The following IL1RAPL1 variants were observed in gnomAD, a reference collection of about 807,000 sequenced individuals.
IL1RAPL1 encodes interleukin-1 receptor accessory protein-like 1.
A neutral mutation model predicts 48.4 loss-of-function variants in IL1RAPL1; 3 were observed. The ratio of observed to expected loss-of-function variants is 0.06; its 90% CI spans 0.03 to 0.16. IL1RAPL1 has a LOEUF of 0.16. Among genes scored for constraint, IL1RAPL1 ranks in the 10% least tolerant of loss-of-function variants. The pLI, the probability that IL1RAPL1 is intolerant of heterozygous loss-of-function variation, is 1.00. For synonymous variants in IL1RAPL1, 185 were observed against 187.7 expected (o/e 0.99, Z 0.12); for missense variants, 349 against 530.6 (o/e 0.66, Z 3.36).
At chrX:29,928,577 G>A (rs2147244784) in intron 8 of IL1RAPL1, among the ~76,000 whole-genome samples, 1 of 112,254 alleles carries the variant, frequency 8.9e-6, no homozygotes, top group African/African-American at 3.2e-5. Flanking sequence ...CAACAAATAT[G>A]TATTGAGTGC....
chrX:29,907,424 C>T lies in IL1RAPL1; in HGVS notation c.779-10040C>T, dbSNP rs186537920. 7.9e-3 allele frequency among the ~76,000 whole-genome samples: 875 copies of T among 110,588 alleles called. 10 individuals carry two copies. The highest frequency in any genetic ancestry group is 0.027 in the African/African-American group (814 of 30,573). On this transcript the variant is annotated intron_variant, in intron 6 of 10. Transcript: ENST00000378993. ...CATATTTATAAAATATATACTTTCT[C>T]CTATATAGTATATTTATTTCATAGT...
intron 5 of IL1RAPL1, among the ~76,000 whole-genome samples, chrX:29,460,950 AAC>A (rs1373090699): frequency 8.9e-6 from 1 of 111,977 alleles, no homozygotes; most frequent in Non-Finnish European, 1.9e-5. Context: ...ATCAAAATTA[AAC>A]ACTTTTTTTT....
intron 2 of IL1RAPL1, among the ~76,000 whole-genome samples, chrX:29,023,943 C>T (rs1926426771): frequency 9.0e-6 from 1 of 111,456 alleles, no homozygotes; most frequent in African/African-American, 3.3e-5. Flanking sequence ...AAATCAGAAG[C>T]TTAACTGAGA....
At chrX:28,638,229 C>T (rs1021207742) in intron 1 of IL1RAPL1, among the ~76,000 whole-genome samples, 1 of 111,296 alleles carries the variant, frequency 9.0e-6, no homozygotes, top group Non-Finnish European at 1.9e-5. Flanking sequence ...AAATTATATG[C>T]CTAGTCCAGA....
intron 6 of IL1RAPL1, among the ~76,000 whole-genome samples, chrX:29,762,773 G>A (rs1928785707): frequency 9.0e-6 from 1 of 111,427 alleles, no homozygotes; most frequent in Admixed American, 9.6e-5. Flanking sequence ...GAGTGGCAGG[G>A]GTTTCACTTC....
intron 2 of IL1RAPL1, chrX:28,982,744 C>A (rs928173927): frequency 8.9e-6 from 1 of 111,868 alleles, no homozygotes; most frequent in Non-Finnish European, 1.9e-5. Flanking sequence ...ACCCGAGTAT[C>A]ATCAACCTTA....
chrX:28,813,690 C>T (rs764119826), intron 2 of IL1RAPL1, among the ~76,000 whole-genome samples: 33 of 110,598 alleles, frequency 3.0e-4, no homozygotes, highest in East Asian at 5.7e-4. Flanking sequence ...AGTTTTGGCC[C>T]GTGGAGCTTG....
chrX:29,124,528 C>A (rs1346314342), intron 2 of IL1RAPL1, among the ~76,000 whole-genome samples: 3 of 112,359 alleles, frequency 2.7e-5, no homozygotes, highest in Non-Finnish European at 3.8e-5. Context: ...CTGCCTCCAA[C>A]CTCCAGAATC....
chrX:28,717,808 C>CT (rs2146938102), intron 1 of IL1RAPL1, among the ~76,000 whole-genome samples: 1 of 110,748 alleles, frequency 9.0e-6, no homozygotes, highest in Non-Finnish European at 1.9e-5. Flanking sequence ...TTCCTTCCTC[C>CT]TTTTTGGTAA....
At chrX:29,500,240 C>A (rs1241445253) in intron 5 of IL1RAPL1, among the ~76,000 whole-genome samples, 1 of 112,143 alleles carries the variant, frequency 8.9e-6, no homozygotes, top group Non-Finnish European at 1.9e-5. Context: ...CTCGGCCTCC[C>A]AAAGTGTTGG....
intron 5 of IL1RAPL1, among the ~76,000 whole-genome samples, chrX:29,582,248 T>G (rs766053602): frequency 3.4e-4 from 38 of 111,725 alleles, no homozygotes; most frequent in Non-Finnish European, 6.4e-4. Context: ...GAGGCATTTC[T>G]AAATAACACT....
intron 6 of IL1RAPL1, among the ~76,000 whole-genome samples, chrX:29,913,523 G>T (rs1317239948): frequency 9.1e-6 from 1 of 109,750 alleles, no homozygotes; most frequent in African/African-American, 3.3e-5. Context: ...GGTTTAAGAG[G>T]TTCCCTATTA....
At chrX:28,896,734 G>T (rs181202704) in intron 2 of IL1RAPL1, among the ~76,000 whole-genome samples, 3 of 110,351 alleles carry the variant, frequency 2.7e-5, no homozygotes, top group African/African-American at 9.9e-5. Flanking sequence ...AGATTAGAAA[G>T]ACTCAGCAAT....
chrX:29,308,533 G>A (rs1932659456), intron 3 of IL1RAPL1, among the ~76,000 whole-genome samples: 2 of 112,073 alleles, frequency 1.8e-5, no homozygotes, highest in African/African-American at 3.2e-5. Flanking sequence ...AGGAGCCCCA[G>A]TACTCACTAA....
chrX:28,854,654 G>T (rs143316670), intron 2 of IL1RAPL1, among the ~76,000 whole-genome samples: 1 of 111,053 alleles, frequency 9.0e-6, no homozygotes, highest in Non-Finnish European at 1.9e-5. Flanking sequence ...GAGACCAAAC[G>T]CAAAATCCTA....
chrX:29,403,826 G>A (rs1012919675), intron 5 of IL1RAPL1, among the ~76,000 whole-genome samples: 1 of 111,931 alleles, frequency 8.9e-6, no homozygotes, highest in African/African-American at 3.2e-5. Context: ...CAGTATAAAT[G>A]TATAGTGAGA....
At chrX:29,803,069 A>G (rs1276139329) in intron 6 of IL1RAPL1, among the ~76,000 whole-genome samples, 2 of 87,505 alleles carry the variant, frequency 2.3e-5, no homozygotes, top group Admixed American at 1.3e-4. Flanking sequence ...ATATGTATGC[A>G]TGTATACATA....
At chrX:29,013,113 A>G (rs973323525) in intron 2 of IL1RAPL1, among the ~76,000 whole-genome samples, 1 of 111,091 alleles carries the variant, frequency 9.0e-6, no homozygotes, top group African/African-American at 3.3e-5. Context: ...GAAAAGTTCA[A>G]CATCACTGAT....
intron 5 of IL1RAPL1, among the ~76,000 whole-genome samples, chrX:29,471,483 C>T (rs552225852): frequency 5.4e-5 from 6 of 110,959 alleles, no homozygotes; most frequent in South Asian, 7.6e-4. Context: ...GAGGCAATTC[C>T]TTGTGAGGGA....
Sources: allele counts gnomAD v4.1 joint callset (sites outside exome capture counted in the v4.1 genomes callset), GRCh38; gene constraint gnomAD v4.1.1; transcripts MANE v1.5; gene names NCBI Gene and HGNC (gene_info 2026-07-23, HGNC 2026-07-21).